Variants in ASCC3 observed in about 807,000 individuals in gnomAD.
ASCC3 encodes the protein activating signal cointegrator 1 complex subunit 3.
ASCC3 carries 158 observed loss-of-function variants against 256.3 expected under a neutral mutation model. That is an observed-to-expected ratio of 0.62 (90% CI 0.54 to 0.70). The LOEUF (loss-of-function observed/expected upper bound fraction) is 0.70. ASCC3 is among the 30% of genes least tolerant of loss of function. The probability of loss-of-function intolerance (pLI) is 0.00; values close to 1 mark genes in which losing one functional copy is unlikely to be tolerated. For missense variants in ASCC3, 2,259 were observed against 2,626.0 expected (o/e 0.86, Z 3.05); for synonymous variants, 948 against 883.4 (o/e 1.07, Z -1.30).
chr6:100,870,747 A>T lies in ASCC3; in HGVS notation c.-41-2709T>A, dbSNP rs1773702735. On this transcript the variant is annotated intron_variant, in intron 1 of 41. Transcript: ENST00000369162. Reference sequence around the variant, plus strand: ...ACTACCTGTTGGGAGTGAATTCAGGAGAGCATGGAAATAAGATGATTCAGG... The same window carrying T: ...ACTACCTGTTGGGAGTGAATTCAGGTGAGCATGGAAATAAGATGATTCAGG... 2.0e-5 allele frequency among the ~76,000 whole-genome samples: 3 copies of T among 152,204 alleles called. No homozygotes were observed. The South Asian group carries it at 6.2e-4, about 31-fold the overall frequency.
chr6:100,595,610 T>A (rs141048490), intron 34 of ASCC3, among the ~76,000 whole-genome samples: 1 of 152,140 alleles, frequency 6.6e-6, no homozygotes, highest in Non-Finnish European at 1.5e-5. Context: ...TTGTTCAGCA[T>A]AGCACTGAAA....
At chr6:100,606,078 G>A (rs1003296320) in intron 32 of ASCC3, among the ~76,000 whole-genome samples, 6 of 151,884 alleles carry the variant, frequency 4.0e-5, no homozygotes, top group Admixed American at 1.3e-4. Flanking sequence ...TTTCAGCAGA[G>A]TCATTTGATT....
At chr6:100,644,853 T>C (rs368754982) in intron 22 of ASCC3, among the ~76,000 whole-genome samples, 1 of 152,332 alleles carries the variant, frequency 6.6e-6, no homozygotes, top group South Asian at 2.1e-4. Flanking sequence ...GTGTTTCCCA[T>C]GCTCTGTTTA....
chr6:100,779,214 A>T (rs921301181), intron 8 of ASCC3, among the ~76,000 whole-genome samples: 9 of 152,144 alleles, frequency 5.9e-5, no homozygotes, highest in African/African-American at 2.2e-4. Context: ...ATGAAGCAAC[A>T]TGAAAAAAAT....
At chr6:100,771,862 G>A (rs1781943660) in intron 8 of ASCC3, among the ~76,000 whole-genome samples, 1 of 141,750 alleles carries the variant, frequency 7.1e-6, no homozygotes, top group African/African-American at 2.6e-5. Context: ...AAAACAATCT[G>A]CAAGTTTTTT....
chr6:100,745,504 CA>C (rs10711038), intron 10 of ASCC3, among the ~76,000 whole-genome samples: 71,018 of 143,978 alleles, frequency 0.49, 17,437 homozygotes, highest in East Asian at 0.71. Context: ...AAAACCTAAC[CA>C]AAAAAAAAAA....
At chr6:100,872,300 CTTCA>C (rs1773780968) in intron 1 of ASCC3, among the ~76,000 whole-genome samples, 1 of 152,118 alleles carries the variant, frequency 6.6e-6, no homozygotes, top group Admixed American at 6.5e-5. Context: ...GAAAGCAAGA[CTTCA>C]TTTTTATTCT....
At chr6:100,787,846 T>A (rs1056892501) in intron 8 of ASCC3, among the ~76,000 whole-genome samples, 6 of 151,984 alleles carry the variant, frequency 3.9e-5, no homozygotes, top group Non-Finnish European at 8.8e-5. Flanking sequence ...ATGGATTATA[T>A]ACCTAAATGT....
intron 36 of ASCC3, among the ~76,000 whole-genome samples, chr6:100,555,810 C>T (rs892079708): frequency 1.3e-5 from 2 of 152,152 alleles, no homozygotes; most frequent in African/African-American, 4.8e-5. Context: ...GATTCAGTGT[C>T]ACACTCTGTA....
rs558413973 is a variant in ASCC3, at chr6:100,670,628, A to G, written c.2287-8092T>C. Among the ~76,000 whole-genome samples, 198 of 142,352 alleles carry G rather than the reference A, an allele frequency of 1.4e-3. 7 individuals are homozygous for G. Among genetic ancestry groups the G allele is most frequent in the Admixed American group, 0.013 (183 of 14,016 alleles). 93.4% of individuals were successfully genotyped at this position (142,352 alleles called of 152,430 possible). On this transcript the variant is annotated intron_variant, in intron 14 of 41. Coordinates refer to ENST00000369162, the MANE Select transcript of ASCC3 (RefSeq NM_006828.4). ...TCTGTGCATGTTCAGAACAGATACA[A>G]CCAACTTTTTTTCCCCCCCAAATTC...
chr6:100,674,631 A>ATTT lies in ASCC3; in HGVS notation c.2286+4984_2286+4986dup, dbSNP rs3073741. On this transcript the variant is annotated intron_variant, in intron 14 of 41. Coordinates refer to ENST00000369162, the MANE Select transcript of ASCC3 (RefSeq NM_006828.4). ...TATATGTTAGCTTATTTATTACAGA[A>ATTT]TTTTTTTTTTTTTTTTTTTGAGACA... Among the ~76,000 whole-genome samples the ATTT allele has an allele frequency of 3.8e-4, 50 of 131,624 alleles. 1 individual carries two copies. The highest frequency in any genetic ancestry group is 5.9e-4 in the Non-Finnish European group (37 of 62,470). The allele number at this position is 131,624 out of a possible 152,430, so 86.4% of individuals were successfully genotyped here. A position where few individuals can be genotyped will look rare whatever the true frequency, so the allele number is the denominator to read the frequency against.
chr6:100,781,664 A>T (rs9322187), intron 8 of ASCC3, among the ~76,000 whole-genome samples: 142,389 of 151,410 alleles, frequency 0.94, 67,272 homozygotes, highest in South Asian at 0.99. Context: ...CTGGGATTAC[A>T]GGTGTGAGCC....
chr6:100,663,799 T>C (rs892581689), intron 14 of ASCC3, among the ~76,000 whole-genome samples: 6 of 152,082 alleles, frequency 3.9e-5, no homozygotes, highest in Non-Finnish European at 5.9e-5. Flanking sequence ...GTGTGATACA[T>C]AGTTAAGATG....
At chr6:100,564,888 TA>T (rs1444624525) in intron 36 of ASCC3, among the ~76,000 whole-genome samples, 1 of 152,118 alleles carries the variant, frequency 6.6e-6, no homozygotes, top group Non-Finnish European at 1.5e-5. Context: ...AGTACCTGTA[TA>T]AAAGAATAAA....
At chr6:100,558,855 C>T (rs1039969963) in intron 36 of ASCC3, among the ~76,000 whole-genome samples, 1 of 152,114 alleles carries the variant, frequency 6.6e-6, no homozygotes, top group African/African-American at 2.4e-5. Flanking sequence ...AGAAAGTCTT[C>T]CTGACACTTA....
At chr6:100,541,777 A>G (rs553306358) in intron 36 of ASCC3, among the ~76,000 whole-genome samples, 2 of 152,334 alleles carry the variant, frequency 1.3e-5, no homozygotes, top group African/African-American at 4.8e-5. Context: ...TAATCAATCA[A>G]TGAAAACTTA....
At chr6:100,794,885 A>G (rs938948798) in intron 8 of ASCC3, among the ~76,000 whole-genome samples, 2 of 152,134 alleles carry the variant, frequency 1.3e-5, no homozygotes, top group African/African-American at 4.8e-5. Context: ...ATTTAACACC[A>G]ACAAAGAAGT....
At chr6:100,751,477 T>C (rs1217530999) in intron 10 of ASCC3, among the ~76,000 whole-genome samples, 3 of 151,942 alleles carry the variant, frequency 2.0e-5, no homozygotes, top group Admixed American at 1.3e-4. Flanking sequence ...GAGGCAGTGC[T>C]ATGCTTCTGG....
chr6:100,517,932 T>C (rs1253375569), intron 38 of ASCC3, 59 bp downstream of exon 38: 4 of 1,562,044 alleles, frequency 2.6e-6, no homozygotes, highest in East Asian at 2.3e-5. Context: ...ACTACATATA[T>C]AAAAAATATT....
Sources: allele counts gnomAD v4.1 joint callset (sites outside exome capture counted in the v4.1 genomes callset), GRCh38; gene constraint gnomAD v4.1.1; transcripts MANE v1.5; gene names NCBI Gene and HGNC (gene_info 2026-07-23, HGNC 2026-07-21).